GNL2: variants seen among roughly 807,000 people sequenced by gnomAD.
The protein encoded by GNL2 is nucleolar GTP-binding protein 2.
GNL2 carries 51 observed loss-of-function variants against 92.3 expected under a neutral mutation model. The observed-to-expected ratio is 0.55, with a 90% CI of 0.44 to 0.70. The LOEUF (loss-of-function observed/expected upper bound fraction) is 0.70. Ranked by LOEUF, GNL2 falls within the 30% of genes least tolerant of loss-of-function variation. The pLI is 0.00. For synonymous variants in GNL2, 283 were observed against 300.6 expected, an observed-to-expected ratio of 0.94 and a Z score of 0.61; for missense variants, 844 against 895.6, an observed-to-expected ratio of 0.94 and a Z score of 0.74.
chr1:37,582,416 C>T (rs1643785319), intron 7 of GNL2, 80 bp from the exon 8 acceptor site: 2 of 808,774 alleles, frequency 2.5e-6, no homozygotes, highest in African/African-American at 1.7e-5. Flanking sequence ...GCTTGAATTA[C>T]AGAACTGTTT....
chr1:37,591,018 T>A (rs1410019117), intron 3 of GNL2, among the ~76,000 whole-genome samples, 173 bp from the exon 4 acceptor site: 3 of 152,178 alleles, frequency 2.0e-5, no homozygotes, highest in Non-Finnish European at 4.4e-5. Context: ...AAACTGCCTC[T>A]CCCGCACTTG....
Position 37,582,786 on chromosome 1 carries a change from A to C in GNL2, c.787T>G (p.Trp263Gly). 1 of 1,612,198 alleles carries C rather than the reference A, an allele frequency of 6.2e-7. No individual in the cohort carries two copies. The highest frequency in any genetic ancestry group is 2.2e-5 in the East Asian group (1 of 44,858). ...TTAGTAGTTGTACTTACTGTTGCCC[A>C]GGTTGGAACAAGGTCACATTTGTTA... ...VLNKCDLVPT[W>G]ATKRWVAVLS... The change falls in exon 7 of 16, where the codon TGG becomes GGG. Residue 263 changes from tryptophan to glycine, a missense_variant. Trp to Gly is a radical substitution (Grantham distance 184, BLOSUM62 -2). Coordinates refer to ENST00000373062, the MANE Select transcript of GNL2 (RefSeq NM_013285.3).
intron 8 of GNL2, among the ~76,000 whole-genome samples, chr1:37,578,709 C>T (rs1207982997): frequency 6.6e-6 from 1 of 152,046 alleles, no homozygotes; most frequent in Non-Finnish European, 1.5e-5. Flanking sequence ...AAGTGTGCAC[C>T]ACTATGCCTT....
chr1:37,583,893 T>G lies in GNL2; in HGVS notation c.610A>C (p.Lys204Gln), dbSNP rs373746356. The change falls in exon 6 of 16, where the codon AAA becomes CAA. Residue 204 changes from lysine (K) to glutamine (Q), a missense_variant. Lys to Gln is a moderately conservative substitution (Grantham distance 53, BLOSUM62 1). Transcript: ENST00000373062. The part of the protein sequence containing the change: ...QEEIYKKGQS[K>Q]RIWGELYKVI... ...TTGTAGAGCTCACCCCATATTCTTT[T>G]GGACTGTCCCTTTTTATAGATCTCT... The G allele has an allele frequency of 4.4e-6, 7 of 1,590,196 alleles. No homozygotes were observed. In the African/African-American group the frequency reaches 9.4e-5, roughly 21 times the overall value.
chr1:37,585,451 A>G (rs1233178867), intron 5 of GNL2, among the ~76,000 whole-genome samples: 1 of 152,190 alleles, frequency 6.6e-6, no homozygotes, highest in East Asian at 1.9e-4. Flanking sequence ...GAATTACAAA[A>G]TGGAATTGGC....
chr1:37,591,398 C>A (rs113038562), intron 3 of GNL2, among the ~76,000 whole-genome samples: 61 of 152,092 alleles, frequency 4.0e-4, no homozygotes, highest in African/African-American at 1.4e-3. Flanking sequence ...CAGCATGCTG[C>A]GGCATAAATG....
intron 2 of GNL2, among the ~76,000 whole-genome samples, 169 bp from the exon 3 acceptor site, chr1:37,592,975 C>A (rs903928577): frequency 5.3e-5 from 8 of 152,100 alleles, no homozygotes; most frequent in African/African-American, 1.9e-4. Flanking sequence ...AAACAGATTG[C>A]CCAAAAGCCA....
At chr1:37,588,985 A>C (rs1643871774) in intron 4 of GNL2, among the ~76,000 whole-genome samples, 1 of 152,230 alleles carries the variant, frequency 6.6e-6, no homozygotes, top group Non-Finnish European at 1.5e-5. Context: ...TGAATTTTAG[A>C]AGCACTGACA....
rs767502354 is a variant in GNL2, at chr1:37,566,822, T to G, written c.*33A>C. The G allele has an allele frequency of 1.2e-6, 2 of 1,600,698 alleles. No individual in the cohort carries two copies. The highest frequency in any genetic ancestry group is 1.7e-6 in the Non-Finnish European group (2 of 1,169,810). ...AGAAAACACAATTTCTAACTGCCTGTTTTTGTATAATTTAATAAAAACCTT... is the reference window on the plus strand; with the variant it reads ...AGAAAACACAATTTCTAACTGCCTGGTTTTGTATAATTTAATAAAAACCTT... On this transcript the variant is annotated 3_prime_UTR_variant, in exon 16 of 16. Transcript: ENST00000373062.
chr1:37,585,161 C>T (rs577618818), intron 5 of GNL2, among the ~76,000 whole-genome samples: 10 of 147,462 alleles, frequency 6.8e-5, no homozygotes, highest in Non-Finnish European at 1.2e-4. Flanking sequence ...CGGGTTTAAG[C>T]GATTCCCCAG....
intron 7 of GNL2, 99 bp downstream of exon 7, chr1:37,582,679 C>T (rs1348824608): frequency 1.3e-5 from 13 of 1,027,544 alleles, no homozygotes; most frequent in Non-Finnish European, 5.7e-6. Flanking sequence ...ACTCCCATTA[C>T]TACAATCTCA....
At chr1:37,584,966 C>T (rs868667018) in intron 5 of GNL2, among the ~76,000 whole-genome samples, 18 of 151,446 alleles carry the variant, frequency 1.2e-4, no homozygotes, top group Non-Finnish European at 2.1e-4. Context: ...CCTGTAATCC[C>T]AGCCACTCGG....
intron 8 of GNL2, chr1:37,581,294 G>C (rs1197623575): frequency 2.2e-6 from 1 of 451,218 alleles, no homozygotes; most frequent in South Asian, 1.6e-5. Flanking sequence ...TCTTTTGTTA[G>C]AAGCCAGGTA....
intron 7 of GNL2, 134 bp downstream of exon 7, chr1:37,582,644 A>G: frequency 3.9e-6 from 3 of 771,608 alleles, no homozygotes; most frequent in South Asian, 1.8e-5. Flanking sequence ...ATCAATGAGC[A>G]CACTTTCGTG....
chr1:37,587,362 C>T lies in GNL2; in HGVS notation c.518G>A (p.Ser173Asn). The T allele has an allele frequency of 6.2e-7, 1 of 1,613,452 alleles. No homozygotes were observed. The highest frequency in any genetic ancestry group is 8.5e-7 in the Non-Finnish European group (1 of 1,179,646). The change falls in exon 5 of 16, where the codon AGC becomes AAC. Residue 173 changes from serine (S) to asparagine (N), a missense_variant. Physicochemically the swap from Ser to Asn is conservative, Grantham distance 46. Coordinates refer to ENST00000373062, the MANE Select transcript of GNL2 (RefSeq NM_013285.3). The stretch of plus-strand genomic sequence containing the variant: ...ATCACGATCCTTGCCCTGGTCATAG[C>T]TCTCAGTGGACATTTCAGCATTTTC... ...LIENAEMSTE[S>N]YDQGKDRDLV...
In GNL2 at chr1:37,576,439, C is replaced by G. The variant is rs762353423; in HGVS notation, c.1027G>C (p.Gly343Arg). 6.2e-7 allele frequency: 1 copy of G among 1,613,718 alleles called. No individual in the cohort carries two copies. The highest frequency in any genetic ancestry group is 1.7e-5 in the Admixed American group (1 of 59,948). Reference protein sequence around the residue: ...KKVCNVAPIAGETKVWQYITL... With the variant: ...KKVCNVAPIARETKVWQYITL... ...TGCGCCCAACGTACCTTTGTTTCAC[C>G]TGCAATGGGAGCCACGTTGCAAACT... The change falls in exon 9 of 16, where the codon GGT becomes CGT. Residue 343 changes from glycine to arginine, a missense_variant. Gly to Arg is a moderately radical substitution (Grantham distance 125, BLOSUM62 -2). Transcript: ENST00000373062.
chr1:37,579,595 T>C (rs758059324), intron 8 of GNL2, among the ~76,000 whole-genome samples: 1 of 148,408 alleles, frequency 6.7e-6, no homozygotes, highest in Non-Finnish European at 1.5e-5. Flanking sequence ...GTCATATATG[T>C]ACCAAAAGAA....
At chr1:37,579,913 A>G (rs576319814) in intron 8 of GNL2, among the ~76,000 whole-genome samples, 3 of 151,332 alleles carry the variant, frequency 2.0e-5, no homozygotes, top group Non-Finnish European at 4.4e-5. Flanking sequence ...AAAAAAAAAA[A>G]AAAGAAAGCA....
intron 15 of GNL2, 52 bp from the exon 16 acceptor site, chr1:37,567,059 AG>A: frequency 6.4e-7 from 1 of 1,573,414 alleles, no homozygotes; most frequent in Non-Finnish European, 8.7e-7. Context: ...AAACCCTGAA[AG>A]TCATTCACAA....
Sources: allele counts gnomAD v4.1 joint callset (sites outside exome capture counted in the v4.1 genomes callset), GRCh38; gene constraint gnomAD v4.1.1; transcripts MANE v1.5; gene names NCBI Gene and HGNC (gene_info 2026-07-23, HGNC 2026-07-21).